AK2: variants seen among roughly 807,000 people sequenced by gnomAD.
AK2 encodes the protein adenylate kinase 2, also known as adenylate kinase 2, mitochondrial.
In AK2, 15 loss-of-function variants were observed where a neutral mutation model predicts 24.6. That is an observed-to-expected ratio of 0.61 (90% CI 0.41 to 0.94). The LOEUF (loss-of-function observed/expected upper bound fraction) is 0.94, where lower values mean the gene tolerates loss of function less well. Ranked by LOEUF, AK2 falls within the 40% of genes least tolerant of loss-of-function variation. The pLI, the probability that AK2 is intolerant of heterozygous loss-of-function variation, is 0.00. For synonymous variants in AK2, 102 were observed against 114.0 expected, an observed-to-expected ratio of 0.90 and a Z score of 0.67; for missense variants, 257 against 304.1, an observed-to-expected ratio of 0.85 and a Z score of 1.15.
intron 5 of AK2, 104 bp downstream of exon 5, chr1:33,014,417 AT>A (rs1189793807): frequency 1.1e-6 from 1 of 883,006 alleles, no homozygotes; most frequent in African/African-American, 1.7e-5. Flanking sequence ...TAAGTTAGTA[AT>A]ATTGGTAGAA....
intron 1 of AK2, among the ~76,000 whole-genome samples, chr1:33,026,256 T>A (rs1420384436): frequency 6.6e-6 from 1 of 152,142 alleles, no homozygotes; most frequent in Non-Finnish European, 1.5e-5. Context: ...TGGAGTGCAG[T>A]GGCACGATCA....
rs1570167151 is a variant in AK2, at chr1:33,008,062, G to T, written c.*5119C>A. ...ATAAAGAATTCTGCATATAATTTCA[G>T]AGGTCTATGATTTCTAGGGGATCCT... On this transcript the variant is annotated 3_prime_UTR_variant, in exon 6 of 6. Coordinates refer to ENST00000672715, the MANE Select transcript of AK2 (RefSeq NM_001625.4). The T allele has an allele frequency of 2.2e-6, 1 of 454,142 alleles. No individual in the cohort carries two copies. The highest frequency in any genetic ancestry group is 6.9e-4 in the Middle Eastern group (1 of 1,444). The allele number at this position is 454,142 out of a possible 1,614,324, so 28.1% of individuals were successfully genotyped here.
chr1:33,027,747 CAAAAA>C (rs1157782051), intron 1 of AK2, among the ~76,000 whole-genome samples: 1 of 62,088 alleles, frequency 1.6e-5, no homozygotes, highest in Non-Finnish European at 3.4e-5. Context: ...ACTCTTGTCT[CAAAAA>C]AAAAAAAAAA....
rs905733146 is a variant in AK2 at position 33,009,048 on chromosome 1, G to T, written c.*4133C>A. On this transcript the variant is annotated 3_prime_UTR_variant, in exon 6 of 6. Coordinates refer to ENST00000672715, the MANE Select transcript of AK2 (RefSeq NM_001625.4). ...CAAACAGATCAGTGCAAATCAGTAA[G>T]GCTAACACCTGAAAATGACTCTGCA... 2.2e-6 allele frequency: 1 copy of T among 454,094 alleles called. No individual in the cohort carries two copies. Among genetic ancestry groups the T allele is most frequent in the Non-Finnish European group, 4.4e-6 (1 of 226,786 alleles). 28.1% of individuals were successfully genotyped at this position (454,094 alleles called of 1,614,324 possible). A position where few individuals can be genotyped will look rare whatever the true frequency, so the allele number is the denominator to read the frequency against.
At chr1:33,031,557 T>C (rs115480196) in intron 1 of AK2, 7 of 455,926 alleles carry the variant, frequency 1.5e-5, no homozygotes, top group African/African-American at 6.0e-5. Flanking sequence ...GGGCAGTAGA[T>C]AGCAGCAGAA....
At chr1:33,017,364 G>GCATT (rs1366698744) in intron 4 of AK2, among the ~76,000 whole-genome samples, 3 of 152,166 alleles carry the variant, frequency 2.0e-5, no homozygotes, top group Non-Finnish European at 4.4e-5. Flanking sequence ...TTCCTCTGAT[G>GCATT]CATTCATTCA....
rs374136644 is a variant in AK2, at chr1:33,013,329, T to C, written c.572A>G (p.His191Arg). 7 of 1,613,944 alleles carry C rather than the reference T, an allele frequency of 4.3e-6. No homozygotes were observed. The highest frequency in any genetic ancestry group is 5.1e-6 in the Non-Finnish European group (6 of 1,179,950). Residue 191 changes from histidine to arginine, a missense_variant, in exon 6 of 6, where the codon CAC becomes CGC. Transcript: ENST00000672715. ...KALKIRLQAYHTQTTPLIEYY... is the reference protein window; with the variant it reads ...KALKIRLQAYRTQTTPLIEYY... ...CTCTATGAGTGGGGTGGTTTGAGTGTGGTAGGCTTGCAGGCGGATTTTCAA... is the reference window on the plus strand; with the variant it reads ...CTCTATGAGTGGGGTGGTTTGAGTGCGGTAGGCTTGCAGGCGGATTTTCAA...
intron 1 of AK2, among the ~76,000 whole-genome samples, chr1:33,028,949 G>C (rs1052684306): frequency 1.3e-5 from 2 of 152,138 alleles, no homozygotes; most frequent in Non-Finnish European, 2.9e-5. Context: ...TAGTGGTATA[G>C]ATCTGGGTTA....
Position 33,008,388 on chromosome 1 carries a change from TC to T in AK2, c.*4792del. ...AGGCTTCTGAGGAGGCTGCTCTCCA[TC>T]CTGCTGTGTTCTGTCAGTGACACTT... On this transcript the variant is annotated 3_prime_UTR_variant, in exon 6 of 6. Coordinates refer to ENST00000672715, the MANE Select transcript of AK2 (RefSeq NM_001625.4). The T allele has an allele frequency of 2.2e-6, 1 of 454,136 alleles. No individual in the cohort carries two copies. Among genetic ancestry groups the T allele is most frequent in the Non-Finnish European group, 4.4e-6 (1 of 226,794 alleles). 28.1% of individuals were successfully genotyped at this position (454,136 alleles called of 1,614,324 possible). A position where few individuals can be genotyped will look rare whatever the true frequency, so the allele number is the denominator to read the frequency against.
At chr1:33,019,840 G>A (rs1639420021) in intron 4 of AK2, 2 of 1,218,896 alleles carry the variant, frequency 1.6e-6, no homozygotes, top group Admixed American at 8.5e-5. Context: ...CAACAATAAG[G>A]AAATAAGTAA....
chr1:33,030,102 G>A (rs1384149386), intron 1 of AK2, among the ~76,000 whole-genome samples: 3 of 152,174 alleles, frequency 2.0e-5, no homozygotes, highest in Admixed American at 6.5e-5. Flanking sequence ...CTGTGTTTAC[G>A]TCCTGCACCA....
chr1:33,024,566 G>A lies in AK2; in HGVS notation c.95C>T (p.Ala32Val). 1 of 1,614,160 alleles carries A rather than the reference G, an allele frequency of 6.2e-7. No individual in the cohort carries two copies. Among genetic ancestry groups the A allele is most frequent in the Middle Eastern group, 1.7e-4 (1 of 6,060 alleles). ...ACAGAAGTTTTCAGCCAATCTGGGT[G>A]CCTACAGAGAGGAAGACAAAAACCA... ...GPPGAGKGTQ[A>V]PRLAENFCVC... Residue 32 changes from alanine (A) to valine (V), a missense_variant and splice_region_variant, in exon 2 of 6, where the codon GCA (alanine) becomes GTA (valine). Physicochemically the swap from Ala to Val is moderately conservative, Grantham distance 64. Coordinates refer to ENST00000672715, the MANE Select transcript of AK2 (RefSeq NM_001625.4).
chr1:33,019,221 T>C (rs968396352), intron 4 of AK2, among the ~76,000 whole-genome samples: 1 of 152,162 alleles, frequency 6.6e-6, no homozygotes, highest in Non-Finnish European at 1.5e-5. Context: ...CCAAGTTTCA[T>C]ATATGACTCT....
intron 1 of AK2, among the ~76,000 whole-genome samples, chr1:33,033,428 G>C (rs1640373463): frequency 6.6e-6 from 1 of 152,128 alleles, no homozygotes; most frequent in Admixed American, 6.6e-5. Flanking sequence ...AGCTGAGGTG[G>C]GAGGACTGAG....
At chr1:33,019,500 C>G (rs931595543) in intron 4 of AK2, among the ~76,000 whole-genome samples, 6 of 152,194 alleles carry the variant, frequency 3.9e-5, no homozygotes, top group African/African-American at 1.4e-4. Context: ...TACAAAGAAA[C>G]AGAAGTTCCT....
At chr1:33,013,953 ACC>A (rs1639013623) in intron 5 of AK2, among the ~76,000 whole-genome samples, 1 of 152,172 alleles carries the variant, frequency 6.6e-6, no homozygotes, top group East Asian at 1.9e-4. Flanking sequence ...TATTTATAGA[ACC>A]TGAATGACCT....
At chr1:33,035,118 C>T (rs1348129297) in intron 1 of AK2, among the ~76,000 whole-genome samples, 1 of 152,222 alleles carries the variant, frequency 6.6e-6, no homozygotes, top group Non-Finnish European at 1.5e-5. Flanking sequence ...TAAGATTAAA[C>T]TTCCCTAAGC....
intron 1 of AK2, among the ~76,000 whole-genome samples, chr1:33,033,599 G>T (rs1181376895): frequency 1.3e-5 from 2 of 152,178 alleles, no homozygotes; most frequent in Non-Finnish European, 2.9e-5. Flanking sequence ...AGGATATTAT[G>T]CTTATGTTTT....
chr1:33,016,429 T>C (rs1412482711), intron 4 of AK2, among the ~76,000 whole-genome samples: 1 of 152,074 alleles, frequency 6.6e-6, no homozygotes, highest in African/African-American at 2.4e-5. Flanking sequence ...GCCAGGATGG[T>C]CTCGATCTCC....
Sources: allele counts gnomAD v4.1 joint callset (sites outside exome capture counted in the v4.1 genomes callset), GRCh38; gene constraint gnomAD v4.1.1; transcripts MANE v1.5; gene names NCBI Gene and HGNC (gene_info 2026-07-23, HGNC 2026-07-21).